Variants in BICD2 observed in about 807,000 individuals in gnomAD.
The protein encoded by BICD2 is protein bicaudal D homolog 2.
A neutral mutation model predicts 72.9 loss-of-function variants in BICD2; 25 were observed. That is an observed-to-expected ratio of 0.34 (90% CI 0.25 to 0.48). The LOEUF (loss-of-function observed/expected upper bound fraction) is 0.48, where lower values mean the gene tolerates loss of function less well. Among genes scored for constraint, BICD2 ranks in the 20% least tolerant of loss-of-function variants. The pLI, the probability that BICD2 is intolerant of heterozygous loss-of-function variation, is 0.99. For missense variants in BICD2, 894 were observed against 1,175.2 expected (o/e 0.76, Z 3.50); for synonymous variants, 501 against 516.1 (o/e 0.97, Z 0.40).
chr9:92,757,461 G>A (rs927549675), intron 1 of BICD2, among the ~76,000 whole-genome samples: 1 of 151,918 alleles, frequency 6.6e-6, no homozygotes, highest in Non-Finnish European at 1.5e-5. Flanking sequence ...CTGGACAACA[G>A]ATGACACTAA....
intron 1 of BICD2, among the ~76,000 whole-genome samples, chr9:92,753,504 T>A (rs961999341): frequency 1.3e-5 from 2 of 152,212 alleles, no homozygotes; most frequent in African/African-American, 4.8e-5. Flanking sequence ...GTTCATTTTT[T>A]AAAATTAATG....
chr9:92,728,979 T>A, intron 2 of BICD2, 45 bp downstream of exon 2: 1 of 1,590,254 alleles, frequency 6.3e-7, no homozygotes. Flanking sequence ...GTGACACTGG[T>A]GGCACTGCTG....
rs561433204 is a variant in BICD2, at chr9:92,724,411, A to T, written c.454-1603T>A. ...GAGAGGGGAGGAGAGTCAACAATATACAGCAAGTACTACTGACAAATGCTT... is the reference window on the plus strand; with the variant it reads ...GAGAGGGGAGGAGAGTCAACAATATTCAGCAAGTACTACTGACAAATGCTT... On this transcript the variant is annotated intron_variant, in intron 2 of 6. Transcript: ENST00000356884. 1.4e-4 allele frequency among the ~76,000 whole-genome samples: 21 copies of T among 152,356 alleles called. No homozygotes were observed. The South Asian group carries it at 3.9e-3, about 29-fold the overall frequency.
At chr9:92,749,591 T>C (rs1000645729) in intron 1 of BICD2, among the ~76,000 whole-genome samples, 2 of 152,236 alleles carry the variant, frequency 1.3e-5, no homozygotes, top group Admixed American at 6.5e-5. Flanking sequence ...AATGCTAAGC[T>C]GCTTTTAGAA....
At chr9:92,732,192 G>C (rs1853692018) in intron 1 of BICD2, among the ~76,000 whole-genome samples, 1 of 152,172 alleles carries the variant, frequency 6.6e-6, no homozygotes. Context: ...GGGATTCACA[G>C]CAGATAAAAC....
At chr9:92,738,452 G>C (rs983120550) in intron 1 of BICD2, among the ~76,000 whole-genome samples, 2 of 152,176 alleles carry the variant, frequency 1.3e-5, no homozygotes, top group Non-Finnish European at 2.9e-5. Flanking sequence ...TAGTGGGGCT[G>C]CCTGGCTCTG....
intron 1 of BICD2, among the ~76,000 whole-genome samples, chr9:92,735,984 T>C (rs1379116269): frequency 2.6e-5 from 4 of 152,214 alleles, no homozygotes; most frequent in African/African-American, 9.6e-5. Flanking sequence ...ACCCATTAGC[T>C]GTGGAACTGA....
intron 2 of BICD2, among the ~76,000 whole-genome samples, chr9:92,728,318 C>A (rs143507315): frequency 2.6e-5 from 4 of 152,382 alleles, no homozygotes; most frequent in African/African-American, 9.6e-5. Flanking sequence ...CCTCTGACTT[C>A]ATGTTCACAA....
intron 2 of BICD2, among the ~76,000 whole-genome samples, chr9:92,723,485 C>T (rs959299761): frequency 8.9e-4 from 135 of 152,324 alleles, no homozygotes; most frequent in East Asian, 1.9e-4. Context: ...TTATATGATT[C>T]CATTTCCATG....
At chr9:92,737,829 G>A (rs927865352) in intron 1 of BICD2, among the ~76,000 whole-genome samples, 2 of 152,218 alleles carry the variant, frequency 1.3e-5, no homozygotes. Context: ...AACAGTGGCA[G>A]GTGATCAGAG....
chr9:92,718,520 C>T lies in BICD2; in HGVS notation c.2106+19G>A. 1 of 1,593,308 alleles carries T rather than the reference C, an allele frequency of 6.3e-7. No individual in the cohort carries two copies. Among genetic ancestry groups the T allele is most frequent in the South Asian group, 1.1e-5 (1 of 88,414 alleles). On this transcript the variant is annotated intron_variant, in intron 5 of 6. Coordinates refer to ENST00000356884, the MANE Select transcript of BICD2 (RefSeq NM_001003800.2). Reference sequence around the variant, plus strand: ...GGCCAGTAGTAGGTGACATGTGCCCCTGCTGCCTGGCACCTCACCTGCTTG... The same window carrying T: ...GGCCAGTAGTAGGTGACATGTGCCCTTGCTGCCTGGCACCTCACCTGCTTG...
At position 92,720,354 on chromosome 9, in the gene BICD2, T is replaced by A. The variant is rs950357888; in HGVS notation, c.1008A>T (p.Leu336=). ...TCTCAGAGATGTTGAGCTCACTGAG[T>A]AGGTCGGAGACGAGGCTGGGGGAGG... ...APPSPSLVSD[L]LSELNISEIQ... Residue 336 remains leucine (L), a synonymous_variant, in exon 4 of 7, where the codon CTA becomes CTT. Transcript: ENST00000356884. This position sits in a 1 kb window ranked among gnomAD's most constrained non-coding sequence, Gnocchi z 5.4. 1 of 1,613,860 alleles carries A rather than the reference T, an allele frequency of 6.2e-7. No individual in the cohort carries two copies. Among genetic ancestry groups the A allele is most frequent in the Non-Finnish European group, 8.5e-7 (1 of 1,179,992 alleles).
Position 92,713,834 on chromosome 9 carries a change from C to A in BICD2, c.*1320G>T, listed in dbSNP as rs998013855. The A allele has an allele frequency of 3.7e-6, 4 of 1,086,258 alleles. No individual in the cohort carries two copies. The highest frequency in any genetic ancestry group is 3.4e-6 in the Non-Finnish European group (3 of 888,482). The allele number at this position is 1,086,258 out of a possible 1,614,324, so 67.3% of individuals were successfully genotyped here. A position where few individuals can be genotyped will look rare whatever the true frequency, so the allele number is the denominator to read the frequency against. On this transcript the variant is annotated 3_prime_UTR_variant, in exon 7 of 7. Coordinates refer to ENST00000356884, the MANE Select transcript of BICD2 (RefSeq NM_001003800.2). ...ACATACTCGGCACCAAAGGGAAGAA[C>A]GCGCAGGGCAGAGAGCTGTGGGAGG...
chr9:92,763,713 C>CA (rs1294909220), intron 1 of BICD2, among the ~76,000 whole-genome samples: 1 of 152,222 alleles, frequency 6.6e-6, no homozygotes, highest in Non-Finnish European at 1.5e-5. Context: ...ACTCTCCCCC[C>CA]AGTGGGAATG....
At chr9:92,717,715 G>GT in intron 6 of BICD2, 82 bp downstream of exon 6, 2 of 1,473,026 alleles carry the variant, frequency 1.4e-6, no homozygotes, top group South Asian at 2.7e-5. Context: ...GCATGAGGCA[G>GT]TGAGAGGCTA....
Position 92,718,674 on chromosome 9 carries a change from G to A in BICD2, c.1971C>T (p.Ala657=). ...RTTELSRQRI[A]SQELGPAVDK... is the part of the protein sequence containing the mutation. ...CCACGGCGGGGCCCAGCTCCTGAGAGGCAATGCGCTGGCGTGACAGCTCCG... is the reference window on the plus strand; with the variant it reads ...CCACGGCGGGGCCCAGCTCCTGAGAAGCAATGCGCTGGCGTGACAGCTCCG... The change falls in exon 5 of 7, where the codon GCC becomes GCT. Residue 657 remains alanine (A), a synonymous_variant. Transcript: ENST00000356884. The A allele has an allele frequency of 1.9e-6, 3 of 1,614,106 alleles. No homozygotes were observed. Among genetic ancestry groups the A allele is most frequent in the East Asian group, 2.2e-5 (1 of 44,874 alleles).
At chr9:92,722,899 C>T in intron 2 of BICD2, 91 bp from the exon 3 acceptor site, 5 of 1,522,606 alleles carry the variant, frequency 3.3e-6, no homozygotes, top group Non-Finnish European at 4.5e-6. Flanking sequence ...GCCAGCCATA[C>T]AGCCAGAACT....
intron 1 of BICD2, among the ~76,000 whole-genome samples, chr9:92,760,278 G>A (rs1012713814): frequency 5.9e-5 from 9 of 152,176 alleles, no homozygotes; most frequent in Non-Finnish European, 1.2e-4. Context: ...AAGCATGCTC[G>A]CTTGGCATCC....
chr9:92,726,404 G>T (rs2131508232), intron 2 of BICD2, among the ~76,000 whole-genome samples: 1 of 152,326 alleles, frequency 6.6e-6, no homozygotes, highest in East Asian at 1.9e-4. Flanking sequence ...AGGATACAAT[G>T]AAGGCTGTTT....
Sources: allele counts gnomAD v4.1 joint callset (sites outside exome capture counted in the v4.1 genomes callset), GRCh38; gene constraint gnomAD v4.1.1; non-coding constraint Gnocchi (gnomAD v3.1); transcripts MANE v1.5; gene names NCBI Gene and HGNC (gene_info 2026-07-23, HGNC 2026-07-21).